DNAH6: variants seen among roughly 807,000 people sequenced by gnomAD.
DNAH6 encodes dynein axonemal heavy chain 6.
In DNAH6, 340 loss-of-function variants were observed where a neutral mutation model predicts 491.4. The ratio of observed to expected loss-of-function variants is 0.69; its 90% confidence interval spans 0.63 to 0.76. The LOEUF is 0.76. DNAH6 is among the 30% of genes least tolerant of loss of function. DNAH6 has a pLI of 0.00. For synonymous variants in DNAH6, 1,603 were observed against 1,686.1 expected, an observed-to-expected ratio of 0.95 and a Z score of 1.21; for missense variants, 4,443 against 4,972.2, an observed-to-expected ratio of 0.89 and a Z score of 3.20.
At chr2:84,617,921 G>A (rs950577972) in intron 23 of DNAH6, among the ~76,000 whole-genome samples, 1 of 151,958 alleles carries the variant, frequency 6.6e-6, no homozygotes, top group African/African-American at 2.4e-5. Context: ...AGCCTCTCCA[G>A]CTTTAACACT....
At chr2:84,671,344 G>A (rs1311495387) in intron 39 of DNAH6, among the ~76,000 whole-genome samples, 1 of 152,094 alleles carries the variant, frequency 6.6e-6, no homozygotes, top group Non-Finnish European at 1.5e-5. Flanking sequence ...TGGGAGTCAG[G>A]ACCTCAGCCC....
intron 68 of DNAH6, among the ~76,000 whole-genome samples, chr2:84,787,655 G>A (rs186047423): frequency 2.6e-5 from 4 of 152,236 alleles, no homozygotes; most frequent in Admixed American, 2.6e-4. Flanking sequence ...CTACACATGA[G>A]AAAACTGAGG....
chr2:84,684,544 A>T (rs1288543723), intron 42 of DNAH6, among the ~76,000 whole-genome samples: 1 of 152,238 alleles, frequency 6.6e-6, no homozygotes, highest in Non-Finnish European at 1.5e-5. Context: ...AACAACACAC[A>T]AACACCAATG....
At chr2:84,635,867 A>G (rs1688833786) in intron 30 of DNAH6, among the ~76,000 whole-genome samples, 1 of 152,170 alleles carries the variant, frequency 6.6e-6, no homozygotes, top group East Asian at 1.9e-4. Flanking sequence ...GCTGTGGCAC[A>G]TCACCTTACT....
chr2:84,547,005 A>T (rs1678857151), intron 5 of DNAH6, among the ~76,000 whole-genome samples: 1 of 152,194 alleles, frequency 6.6e-6, no homozygotes, highest in Non-Finnish European at 1.5e-5. Context: ...CACTTGCCTT[A>T]TTCCTTAAAT....
chr2:84,538,694 G>C lies in DNAH6; in HGVS notation c.663-5539G>C, dbSNP rs1001291032. ...GTAGTTAGGATTAGGATTCCAATTA[G>C]AATCTTTGAAACACAGGTACATGAC... is the stretch of plus-strand genomic sequence containing the variant. On this transcript the variant is annotated intron_variant, in intron 4 of 76. Transcript: ENST00000389394. Among the ~76,000 whole-genome samples, 4 of 152,180 alleles carry C rather than the reference G, an allele frequency of 2.6e-5. No individual in the cohort carries two copies. In the South Asian group the frequency reaches 8.3e-4, roughly 32 times the overall value.
intron 13 of DNAH6, among the ~76,000 whole-genome samples, chr2:84,578,702 G>GA (rs759171074): frequency 2.6e-5 from 4 of 152,184 alleles, no homozygotes; most frequent in African/African-American, 9.7e-5. Context: ...TTATCTGATT[G>GA]AATCAACTAA....
In DNAH6 at chr2:84,621,195, G is replaced by T. The variant is rs1159623724; in HGVS notation, c.3797G>T (p.Ser1266Ile). 1 of 1,551,366 alleles carries T rather than the reference G, an allele frequency of 6.4e-7. No individual in the cohort carries two copies. The highest frequency in any genetic ancestry group is 1.4e-5 in the African/African-American group (1 of 73,032). Residue 1266 changes from serine (S) to isoleucine (I), a missense_variant, in exon 25 of 77, where the codon AGC becomes ATC. Transcript: ENST00000389394. ...AATGCTCTGATTACCTTTTAGGTTAGCTTGGGGAAAGGCCTCAAGGCCCGA... is the reference window on the plus strand; with the variant it reads ...AATGCTCTGATTACCTTTTAGGTTATCTTGGGGAAAGGCCTCAAGGCCCGA... The part of the protein sequence containing the change: ...AMLSPEGERV[S>I]LGKGLKARGN...
intron 20 of DNAH6, among the ~76,000 whole-genome samples, chr2:84,605,865 G>T (rs551001027): frequency 1.3e-5 from 2 of 152,250 alleles, no homozygotes; most frequent in Admixed American, 6.5e-5. Context: ...AACAGTTACA[G>T]CTGAAGTGAT....
intron 11 of DNAH6, among the ~76,000 whole-genome samples, chr2:84,569,966 G>A (rs77468274): frequency 0.068 from 10,373 of 151,834 alleles, 1,156 homozygotes; most frequent in African/African-American, 0.24. Context: ...GTGTATGTGC[G>A]TTTCCTAGAC....
At chr2:84,611,907 G>A (rs1019763739) in intron 22 of DNAH6, 53 bp downstream of exon 22, 59 of 1,448,630 alleles carry the variant, frequency 4.1e-5, no homozygotes, top group East Asian at 7.4e-5. Flanking sequence ...TTAGTAGTCT[G>A]GGACTTTAGT....
chr2:84,637,314 T>C lies in DNAH6; in HGVS notation c.4758T>C (p.Asp1586=), dbSNP rs931692209. Reference sequence around the variant, plus strand: ...ATGCAGGGAGAACTGAATTGCCAGATAATTTGAAAGCCCTGTTTAGACCAT... The same window carrying C: ...ATGCAGGGAGAACTGAATTGCCAGACAATTTGAAAGCCCTGTTTAGACCAT... ...PGYAGRTELP[D]NLKALFRPFA... The change falls in exon 31 of 77, where the codon GAT becomes GAC. Residue 1586 remains aspartate (D), a synonymous_variant. Transcript: ENST00000389394. 5 of 1,551,394 alleles carry C rather than the reference T, an allele frequency of 3.2e-6. No individual in the cohort carries two copies. The highest frequency in any genetic ancestry group is 2.4e-5 in the South Asian group (2 of 83,996).
At chr2:84,815,438 G>T (rs973087882) in intron 75 of DNAH6, among the ~76,000 whole-genome samples, 1 of 151,170 alleles carries the variant, frequency 6.6e-6, no homozygotes, top group African/African-American at 2.4e-5. Flanking sequence ...GAATCTGATG[G>T]GCAGGGTCTC....
intron 57 of DNAH6, 65 bp downstream of exon 57, chr2:84,713,324 G>C: frequency 6.7e-7 from 1 of 1,488,252 alleles, no homozygotes; most frequent in East Asian, 2.5e-5. Context: ...AATCTCTGAA[G>C]TTTGATGGGC....
intron 2 of DNAH6, 63 bp from the exon 3 acceptor site, chr2:84,525,502 G>A: frequency 6.8e-7 from 1 of 1,475,028 alleles, no homozygotes; most frequent in Non-Finnish European, 9.1e-7. Context: ...CAAAGGTAGT[G>A]AAAAATAAAA....
chr2:84,527,838 T>TA (rs1676747699), intron 3 of DNAH6, among the ~76,000 whole-genome samples: 1 of 152,218 alleles, frequency 6.6e-6, no homozygotes, highest in South Asian at 2.1e-4. Flanking sequence ...GAGCTTGTAG[T>TA]AATACATCCC....
chr2:84,676,047 A>C (rs1379394406), intron 40 of DNAH6, among the ~76,000 whole-genome samples: 1 of 152,216 alleles, frequency 6.6e-6, no homozygotes, highest in Non-Finnish European at 1.5e-5. Flanking sequence ...TTTGCTTTCC[A>C]TTTAACTCAC....
the DNAH6 span, among the ~76,000 whole-genome samples, chr2:84,463,212 A>C: frequency 6.6e-6 from 1 of 152,202 alleles, no homozygotes; most frequent in South Asian, 2.1e-4. Flanking sequence ...CTGCAGGAAC[A>C]TACAGCAAGG....
chr2:84,509,453 T>G, the DNAH6 span, among the ~76,000 whole-genome samples: 16 of 152,232 alleles, frequency 1.1e-4, no homozygotes, highest in Admixed American at 2.0e-4. Context: ...CCCTTTATTT[T>G]GAACCTATGT....
Sources: allele counts gnomAD v4.1 joint callset (sites outside exome capture counted in the v4.1 genomes callset), GRCh38; gene constraint gnomAD v4.1.1; transcripts MANE v1.5; gene names NCBI Gene and HGNC (gene_info 2026-07-23, HGNC 2026-07-21).